Variants in GRM7 observed in about 807,000 individuals in gnomAD.
GRM7 encodes metabotropic glutamate receptor 7.
A neutral mutation model predicts 84.5 loss-of-function variants in GRM7; 35 were observed. The ratio of observed to expected loss-of-function variants is 0.41; its 90% CI spans 0.32 to 0.55. The LOEUF (loss-of-function observed/expected upper bound fraction) is 0.55, where lower values mean the gene tolerates loss of function less well. Ranked by LOEUF, GRM7 falls within the 20% of genes least tolerant of loss-of-function variation. The pLI is 0.19. For synonymous variants in GRM7, 487 were observed against 455.1 expected (o/e 1.07, Z -0.89); for missense variants, 1,003 against 1,194.6 (o/e 0.84, Z 2.36).
chr3:7,377,258 T>C (rs551111390), intron 4 of GRM7, among the ~76,000 whole-genome samples: 1 of 152,246 alleles, frequency 6.6e-6, no homozygotes, highest in South Asian at 2.1e-4. Context: ...ATGTGTAGAG[T>C]GGAAGTGTGA....
intron 2 of GRM7, among the ~76,000 whole-genome samples, chr3:7,154,581 A>G (rs1429346120): frequency 5.9e-5 from 9 of 152,028 alleles, no homozygotes; most frequent in Non-Finnish European, 7.4e-5. Context: ...TGCTAAGGAG[A>G]AAAAGGTGAT....
At chr3:7,431,261 A>C (rs151014688) in intron 5 of GRM7, among the ~76,000 whole-genome samples, 304 of 152,342 alleles carry the variant, frequency 2.0e-3, no homozygotes, top group African/African-American at 6.7e-3. Context: ...TATATGCAAC[A>C]AAATGAATAA....
At chr3:7,631,285 A>C (rs1351794429) in intron 8 of GRM7, among the ~76,000 whole-genome samples, 1 of 152,284 alleles carries the variant, frequency 6.6e-6, no homozygotes, top group South Asian at 2.1e-4. Context: ...TAAAGATTCC[A>C]ACAGAGGGAC....
intron 2 of GRM7, among the ~76,000 whole-genome samples, chr3:7,222,664 T>C (rs1696848720): frequency 6.6e-6 from 1 of 152,230 alleles, no homozygotes; most frequent in African/African-American, 2.4e-5. Flanking sequence ...AAATAGTAAA[T>C]GTTTGGTTTT....
In GRM7 at chr3:7,502,091, G is replaced by A. The variant is rs561882008; in HGVS notation, c.1515+40369G>A. Among the ~76,000 whole-genome samples the A allele has an allele frequency of 5.9e-5, 9 of 152,260 alleles. No individual in the cohort carries two copies. The East Asian group carries it at 1.7e-3, about 29-fold the overall frequency. The stretch of plus-strand genomic sequence containing the variant: ...CTGCGTATAAATTTCACTTAGCTAT[G>A]TCACCTTGCTAAGCTTCACTATCCT... On this transcript the variant is annotated intron_variant, in intron 7 of 9. Transcript: ENST00000357716.
chr3:7,404,741 G>A (rs1006847362), intron 4 of GRM7, among the ~76,000 whole-genome samples: 1 of 151,760 alleles, frequency 6.6e-6, no homozygotes, highest in Non-Finnish European at 1.5e-5. Context: ...GAAGCATCTT[G>A]TTGGTCCAGT....
chr3:7,678,803 T>A (rs2125139136), intron 8 of GRM7, among the ~76,000 whole-genome samples: 1 of 152,286 alleles, frequency 6.6e-6, no homozygotes, highest in Non-Finnish European at 1.5e-5. Flanking sequence ...AGAATTAAGA[T>A]CAGAAATGTC....
chr3:6,981,842 A>G (rs114546332), intron 1 of GRM7, among the ~76,000 whole-genome samples: 386 of 152,224 alleles, frequency 2.5e-3, no homozygotes, highest in Middle Eastern at 3.4e-3. Flanking sequence ...ACACTTATAC[A>G]CTACTGGTGG....
At chr3:7,050,308 G>T (rs1376566884) in intron 1 of GRM7, among the ~76,000 whole-genome samples, 1 of 151,866 alleles carries the variant, frequency 6.6e-6, no homozygotes, top group Non-Finnish European at 1.5e-5. Context: ...AAGCTTTGCA[G>T]ACATCCAACT....
At chr3:6,955,394 G>T (rs897792428) in intron 1 of GRM7, among the ~76,000 whole-genome samples, 4 of 152,014 alleles carry the variant, frequency 2.6e-5, no homozygotes, top group Non-Finnish European at 4.4e-5. Context: ...AAAATTAGCT[G>T]GGCATGGTGG....
At chr3:7,370,297 C>T (rs1409057546) in intron 4 of GRM7, among the ~76,000 whole-genome samples, 1 of 152,248 alleles carries the variant, frequency 6.6e-6, no homozygotes, top group South Asian at 2.1e-4. Context: ...TCCTTAGACC[C>T]TTTTCTCTTA....
intron 5 of GRM7, among the ~76,000 whole-genome samples, chr3:7,438,539 AC>A (rs2124865769): frequency 6.6e-6 from 1 of 152,178 alleles, no homozygotes; most frequent in African/African-American, 2.4e-5. Flanking sequence ...ACAGTGCAGT[AC>A]CTCTGGGCAA....
intron 7 of GRM7, among the ~76,000 whole-genome samples, chr3:7,473,761 A>T (rs908695212): frequency 2.6e-5 from 4 of 152,146 alleles, no homozygotes; most frequent in Non-Finnish European, 5.9e-5. Context: ...GGCCCAGTTG[A>T]GTGATCAGTA....
At chr3:7,512,586 A>ATTT (rs55868423) in intron 7 of GRM7, among the ~76,000 whole-genome samples, 6 of 145,262 alleles carry the variant, frequency 4.1e-5, no homozygotes, top group Non-Finnish European at 9.0e-5. Context: ...TTTGTTTTAG[A>ATTT]TTTTTTTTTT....
intron 1 of GRM7, among the ~76,000 whole-genome samples, chr3:6,963,023 T>A (rs998349988): frequency 6.6e-6 from 1 of 152,188 alleles, no homozygotes; most frequent in South Asian, 2.1e-4. Flanking sequence ...AAAGGGCCCA[T>A]GTATAGTTCA....
intron 1 of GRM7, among the ~76,000 whole-genome samples, chr3:7,078,015 G>A (rs1574871037): frequency 6.6e-6 from 1 of 152,284 alleles, no homozygotes; most frequent in Non-Finnish European, 1.5e-5. Context: ...TCTGCCCTCA[G>A]GTAGCGTGAA....
intron 9 of GRM7, among the ~76,000 whole-genome samples, chr3:7,717,930 T>C (rs1294394540): frequency 1.3e-5 from 2 of 152,228 alleles, no homozygotes; most frequent in African/African-American, 4.8e-5. Flanking sequence ...TTACATGTCA[T>C]TAAATCTGCT....
chr3:7,449,256 A>T lies in GRM7; in HGVS notation c.1175-3351A>T, dbSNP rs150944878. ...TTATAATAGCAAAAATGAATAAAAC[A>T]TCTTGGCTAACTTTGCAAGAAACAT... On this transcript the variant is annotated intron_variant, in intron 5 of 9. Coordinates refer to ENST00000357716, the MANE Select transcript of GRM7 (RefSeq NM_000844.4). 9.2e-5 allele frequency among the ~76,000 whole-genome samples: 14 copies of T among 152,282 alleles called. No individual in the cohort carries two copies. In the East Asian group the frequency reaches 2.5e-3, roughly 27 times the overall value.
chr3:7,325,810 A>G lies in GRM7; in HGVS notation c.1033+19158A>G, dbSNP rs9881347. Among the ~76,000 whole-genome samples, 135 of 152,318 alleles carry G rather than the reference A, an allele frequency of 8.9e-4. 2 individuals are homozygous for G. In the East Asian group the frequency reaches 0.021, roughly 23 times the overall value. ...ATACTTTTATTCTTCCAATTGATGT[A>G]CCAATTAAAACATTGGGTATTTATG... On this transcript the variant is annotated intron_variant, in intron 4 of 9. Transcript: ENST00000357716.
Sources: gnomAD v4.1 joint callset for allele counts (sites outside exome capture counted in the v4.1 genomes callset) on GRCh38, gnomAD v4.1.1 for gene constraint, MANE v1.5 for transcripts, NCBI Gene and HGNC (gene_info 2026-07-23, HGNC 2026-07-21) for gene names.